Variants in VPS41 observed in about 807,000 individuals in gnomAD.
The protein encoded by VPS41 is vacuolar protein sorting-associated protein 41 homolog.
VPS41 carries 85 observed loss-of-function variants against 130.9 expected under a neutral mutation model. The observed-to-expected ratio is 0.65, with a 90% CI of 0.55 to 0.78. The LOEUF (loss-of-function observed/expected upper bound fraction) is 0.78. VPS41 is among the 30% of genes least tolerant of loss of function. The pLI, the probability that VPS41 is intolerant of heterozygous loss-of-function variation, is 0.00. For missense variants in VPS41, 874 were observed against 1,018.7 expected, an observed-to-expected ratio of 0.86 and a Z score of 1.93; for synonymous variants, 335 against 332.9, an observed-to-expected ratio of 1.01 and a Z score of -0.07.
chr7:38,845,664 G>A (rs1785707933), intron 4 of VPS41, among the ~76,000 whole-genome samples: 2 of 152,144 alleles, frequency 1.3e-5, no homozygotes, highest in South Asian at 4.1e-4. Flanking sequence ...AAACTAATGG[G>A]ACCTTTTATA....
chr7:38,861,579 A>G (rs1198561383), intron 4 of VPS41, among the ~76,000 whole-genome samples: 4 of 152,208 alleles, frequency 2.6e-5, no homozygotes, highest in Non-Finnish European at 4.4e-5. Context: ...ATTTCTTTTC[A>G]GCAAAACAAG....
Position 38,858,594 on chromosome 7 carries a change from C to G in VPS41, c.246+3951G>C, listed in dbSNP as rs139769949. Among the ~76,000 whole-genome samples, 3 of 152,272 alleles carry G rather than the reference C, an allele frequency of 2.0e-5. No individual in the cohort carries two copies. In the East Asian group the frequency reaches 5.8e-4, roughly 29 times the overall value. ...AAGACTGTAATGCTTTACAAGCTATCTTTTCCTAAACATTTAAATAAAAAA... is the reference window on the plus strand; with the variant it reads ...AAGACTGTAATGCTTTACAAGCTATGTTTTCCTAAACATTTAAATAAAAAA... On this transcript the variant is annotated intron_variant, in intron 4 of 28. Transcript: ENST00000310301.
chr7:38,901,451 T>G (rs909093371), intron 1 of VPS41, among the ~76,000 whole-genome samples: 3 of 152,236 alleles, frequency 2.0e-5, no homozygotes, highest in East Asian at 3.9e-4. Context: ...TGGCAGTAGG[T>G]TGAAGGGTAG....
chr7:38,862,747 T>C (rs551979143), intron 3 of VPS41, 125 bp from the exon 4 acceptor site: 21 of 617,220 alleles, frequency 3.4e-5, no homozygotes, highest in South Asian at 1.3e-4. Flanking sequence ...TCAAAAGATA[T>C]GCATGCCTTG....
chr7:38,751,438 A>G (rs554531388), intron 22 of VPS41, among the ~76,000 whole-genome samples: 2 of 152,354 alleles, frequency 1.3e-5, no homozygotes, highest in Admixed American at 6.5e-5. Flanking sequence ...GCACATATAT[A>G]GTTAAGTACT....
intron 1 of VPS41, 49 bp from the exon 2 acceptor site, chr7:38,898,178 A>G: frequency 1.3e-6 from 2 of 1,529,696 alleles, no homozygotes; most frequent in Non-Finnish European, 1.8e-6. Flanking sequence ...ATAAAAGAAT[A>G]ATCATTTGCA....
At chr7:38,827,816 T>C (rs1785309909) in intron 5 of VPS41, among the ~76,000 whole-genome samples, 1 of 152,206 alleles carries the variant, frequency 6.6e-6, no homozygotes, top group Admixed American at 6.5e-5. Context: ...AACTAAACTT[T>C]TCTGAAATGA....
intron 13 of VPS41, among the ~76,000 whole-genome samples, chr7:38,771,719 T>C (rs1238427986): frequency 6.6e-6 from 1 of 152,202 alleles, no homozygotes; most frequent in Non-Finnish European, 1.5e-5. Context: ...AATTAAGTCT[T>C]TGAAAAATCT....
intron 2 of VPS41, among the ~76,000 whole-genome samples, chr7:38,878,585 TA>T (rs1262197564): frequency 6.6e-6 from 1 of 152,100 alleles, no homozygotes; most frequent in African/African-American, 2.4e-5. Context: ...CATATATTAA[TA>T]AAAAACATGT....
chr7:38,724,542 G>A lies in VPS41; in HGVS notation c.*1704C>T, dbSNP rs1243507628. On this transcript the variant is annotated 3_prime_UTR_variant, in exon 29 of 29. Coordinates refer to ENST00000310301, the MANE Select transcript of VPS41 (RefSeq NM_014396.4). The stretch of plus-strand genomic sequence containing the variant: ...TTGCTAGAGAATTCTTAACTCTAAT[G>A]TGAAGATATGTTCTGTGCATTTCCT... The A allele has an allele frequency of 6.6e-6, 1 of 152,188 alleles. No homozygotes were observed. Among genetic ancestry groups the A allele is most frequent in the Non-Finnish European group, 1.5e-5 (1 of 68,048 alleles). 9.4% of individuals were successfully genotyped at this position (152,188 alleles called of 1,614,324 possible). A position where few individuals can be genotyped will look rare whatever the true frequency, so the allele number is the denominator to read the frequency against.
At chr7:38,796,095 A>T (rs1784612573) in intron 8 of VPS41, among the ~76,000 whole-genome samples, 1 of 152,192 alleles carries the variant, frequency 6.6e-6, no homozygotes, top group African/African-American at 2.4e-5. Flanking sequence ...TTTTACCTTC[A>T]TCGTGACCCA....
At chr7:38,905,152 A>G (rs566372460) in intron 1 of VPS41, among the ~76,000 whole-genome samples, 7 of 152,332 alleles carry the variant, frequency 4.6e-5, no homozygotes, top group Admixed American at 3.3e-4. Flanking sequence ...CTTAGTACCT[A>G]TAAAGCACTA....
At chr7:38,832,937 T>C (rs985112111) in intron 4 of VPS41, among the ~76,000 whole-genome samples, 1 of 152,228 alleles carries the variant, frequency 6.6e-6, no homozygotes, top group Non-Finnish European at 1.5e-5. Context: ...GGATGCCTAA[T>C]ATGCACCTCA....
chr7:38,897,341 C>A (rs1290301926), intron 2 of VPS41, among the ~76,000 whole-genome samples: 1 of 151,914 alleles, frequency 6.6e-6, no homozygotes, highest in Non-Finnish European at 1.5e-5. Context: ...TAAAGTAGCT[C>A]CCTTTTTAAG....
chr7:38,843,303 C>G (rs1004376258), intron 4 of VPS41, among the ~76,000 whole-genome samples: 1 of 152,080 alleles, frequency 6.6e-6, no homozygotes, highest in Non-Finnish European at 1.5e-5. Flanking sequence ...ATCATGTCCC[C>G]GTGACACTAA....
At chr7:38,791,219 A>G (rs926054241) in intron 9 of VPS41, among the ~76,000 whole-genome samples, 2 of 152,182 alleles carry the variant, frequency 1.3e-5, no homozygotes, top group African/African-American at 4.8e-5. Flanking sequence ...TTTTGAGCTT[A>G]TAAGTTATCC....
intron 2 of VPS41, among the ~76,000 whole-genome samples, chr7:38,889,563 A>C (rs535108113): frequency 1.0e-4 from 15 of 149,444 alleles, no homozygotes; most frequent in Admixed American, 2.7e-4. Context: ...ACAAAACAAA[A>C]AAAAAAAAAA....
rs773535067 is a variant in VPS41, at chr7:38,773,007, CTA to C, written c.1013-372_1013-371del. ...CAGCTGAAAAAGTGTTAAAAATTCTCTATGTCTACTGCATATTAGAATTCATC... is the reference window on the plus strand; with the variant it reads ...CAGCTGAAAAAGTGTTAAAAATTCTCTGTCTACTGCATATTAGAATTCATC... On this transcript the variant is annotated intron_variant, in intron 12 of 28. Transcript: ENST00000310301. Among the ~76,000 whole-genome samples the C allele has an allele frequency of 6.4e-4, 98 of 152,228 alleles. 1 individual carries two copies. The highest frequency in any genetic ancestry group is 2.1e-3 in the African/African-American group (86 of 41,542).
At chr7:38,837,726 A>G (rs1785526060) in intron 4 of VPS41, among the ~76,000 whole-genome samples, 1 of 152,218 alleles carries the variant, frequency 6.6e-6, no homozygotes, top group African/African-American at 2.4e-5. Context: ...GGTTAGCCGA[A>G]TATTACTATA....
Sources: gnomAD v4.1 joint callset for allele counts (sites outside exome capture counted in the v4.1 genomes callset) on GRCh38, gnomAD v4.1.1 for gene constraint, MANE v1.5 for transcripts, NCBI Gene and HGNC (gene_info 2026-07-23, HGNC 2026-07-21) for gene names.